MME: variants seen among roughly 807,000 people sequenced by gnomAD.
The protein encoded by MME is neprilysin.
In MME, 98 loss-of-function variants were observed where a neutral mutation model predicts 113.2. The ratio of observed to expected loss-of-function variants is 0.87; its 90% confidence interval spans 0.74 to 1.02. MME has a LOEUF of 1.02. MME is among the 50% of genes least tolerant of loss of function. MME has a pLI of 0.00. For synonymous variants in MME, 292 were observed against 300.6 expected (o/e 0.97, Z 0.30); for missense variants, 836 against 896.0 (o/e 0.93, Z 0.86).
intron 1 of MME, among the ~76,000 whole-genome samples, chr3:155,072,184 A>G (rs1714592844): frequency 6.6e-6 from 1 of 151,118 alleles, no homozygotes; most frequent in Admixed American, 6.6e-5. Flanking sequence ...AAAAAAAAAA[A>G]AAAAAAAAGA....
chr3:155,065,956 C>G (rs1714369232), intron 1 of MME, among the ~76,000 whole-genome samples: 1 of 152,138 alleles, frequency 6.6e-6, no homozygotes, highest in Non-Finnish European at 1.5e-5. Flanking sequence ...CCATGAACTG[C>G]CTTTCAGGGT....
intron 1 of MME, among the ~76,000 whole-genome samples, chr3:155,067,153 A>C (rs910842466): frequency 2.0e-5 from 3 of 149,238 alleles, no homozygotes; most frequent in Non-Finnish European, 4.4e-5. Context: ...CAGAGACTTT[A>C]TTTGTAGTTA....
chr3:155,050,904 C>T (rs1206711348), intron 1 of MME, among the ~76,000 whole-genome samples: 1 of 152,050 alleles, frequency 6.6e-6, no homozygotes, highest in East Asian at 1.9e-4. Flanking sequence ...AAATTTTTGC[C>T]GGTTCCTATG....
intron 22 of MME, among the ~76,000 whole-genome samples, chr3:155,178,105 C>A (rs931039677): frequency 1.3e-5 from 2 of 152,100 alleles, no homozygotes; most frequent in African/African-American, 4.8e-5. Flanking sequence ...TGGAACCTAC[C>A]CCATTCTTGG....
At chr3:155,165,185 A>G (rs1008590219) in intron 17 of MME, among the ~76,000 whole-genome samples, 1 of 152,112 alleles carries the variant, frequency 6.6e-6, no homozygotes, top group Non-Finnish European at 1.5e-5. Flanking sequence ...AGTGGATGCT[A>G]GAGTTTTAAG....
intron 21 of MME, 131 bp downstream of exon 21, chr3:155,172,343 A>G (rs1712063146): frequency 1.2e-6 from 1 of 806,984 alleles, no homozygotes; most frequent in East Asian, 2.6e-5. Flanking sequence ...ATTGTTTATA[A>G]TAGACTGTTG....
At chr3:155,108,522 G>A (rs1386245285) in intron 3 of MME, among the ~76,000 whole-genome samples, 1 of 151,922 alleles carries the variant, frequency 6.6e-6, no homozygotes, top group Non-Finnish European at 1.5e-5. Context: ...CTTGAACCCG[G>A]GAGGCAGAGG....
intron 1 of MME, among the ~76,000 whole-genome samples, chr3:155,062,443 A>T (rs547166742): frequency 3.9e-5 from 6 of 152,302 alleles, no homozygotes; most frequent in African/African-American, 1.4e-4. Flanking sequence ...TAGTTCTATG[A>T]GTTCAAGATT....
Position 155,084,218 on chromosome 3 carries a change from G to T in MME, c.51G>T (p.Lys17Asn). Reference protein sequence around the residue: ...QMDITDINTPKPKKKQRWTPL... With the variant: ...QMDITDINTPNPKKKQRWTPL... Reference sequence around the variant, plus strand: ...ATATAACTGATATCAACACTCCAAAGCCAAAGAAGAAACAGCGATGGACTC... The same window carrying T: ...ATATAACTGATATCAACACTCCAAATCCAAAGAAGAAACAGCGATGGACTC... Residue 17 changes from lysine (K) to asparagine (N), a missense_variant, in exon 2 of 23, where the codon AAG becomes AAT. Coordinates refer to ENST00000360490, the MANE Select transcript of MME (RefSeq NM_007289.4). The T allele has an allele frequency of 2.5e-6, 4 of 1,614,132 alleles. No homozygotes were observed. Among genetic ancestry groups the T allele is most frequent in the Non-Finnish European group, 3.4e-6 (4 of 1,180,026 alleles).
chr3:155,138,635 C>T (rs2108304621), intron 9 of MME, among the ~76,000 whole-genome samples: 1 of 152,232 alleles, frequency 6.6e-6, no homozygotes, highest in South Asian at 2.1e-4. Flanking sequence ...CAGAGATTGT[C>T]TCTATTTCTT....
At chr3:155,172,037 G>A (rs41267909) in intron 20 of MME, 80 bp from the exon 21 acceptor site, 21,740 of 813,342 alleles carry the variant, frequency 0.027, 667 homozygotes, top group East Asian at 0.13. Context: ...TTAATTACTT[G>A]GTGGCATGAT....
At chr3:155,030,490 A>G (rs904299649) in intron 1 of MME, among the ~76,000 whole-genome samples, 1 of 152,112 alleles carries the variant, frequency 6.6e-6, no homozygotes, top group East Asian at 1.9e-4. Flanking sequence ...CATTTTCTGT[A>G]TCTGTACTCA....
chr3:155,118,629 C>A, intron 7 of MME, 117 bp from the exon 8 acceptor site: 1 of 714,678 alleles, frequency 1.4e-6, no homozygotes, highest in Non-Finnish European at 2.5e-6. Flanking sequence ...GTCTGATGGT[C>A]ACCCCATAAA....
intron 17 of MME, among the ~76,000 whole-genome samples, chr3:155,161,069 C>A (rs1282119028): frequency 6.6e-6 from 1 of 152,098 alleles, no homozygotes; most frequent in Non-Finnish European, 1.5e-5. Flanking sequence ...TATACATTAA[C>A]ACATGAATAA....
chr3:155,039,688 AAAAC>A (rs1334804012), intron 1 of MME, among the ~76,000 whole-genome samples: 1 of 152,176 alleles, frequency 6.6e-6, no homozygotes, highest in African/African-American at 2.4e-5. Flanking sequence ...TGGATTTTAG[AAAAC>A]AAACAATGAA....
intron 22 of MME, among the ~76,000 whole-genome samples, chr3:155,177,934 G>C (rs1007265495): frequency 1.3e-5 from 2 of 152,070 alleles, no homozygotes; most frequent in African/African-American, 4.8e-5. Flanking sequence ...GCTCCAGCTG[G>C]AGTCAGTGGT....
At chr3:155,110,975 T>A (rs932741664) in intron 3 of MME, among the ~76,000 whole-genome samples, 1 of 152,212 alleles carries the variant, frequency 6.6e-6, no homozygotes, top group Non-Finnish European at 1.5e-5. Flanking sequence ...GGTGAACAAT[T>A]TAGTCTGATT....
rs1553749782 is a variant in MME at position 155,042,918 on chromosome 3, A to ATATATATATATATACG, written c.-11+18608_-11+18609insCGTATATATATATATA. Among the ~76,000 whole-genome samples the ATATATATATATATACG allele has an allele frequency of 3.2e-4, 17 of 53,596 alleles. No individual in the cohort carries two copies. The East Asian group carries it at 8.6e-3, about 27-fold the overall frequency. The allele number at this position is 53,596 out of a possible 152,430, so 35.2% of individuals were successfully genotyped here. On this transcript the variant is annotated intron_variant, in intron 1 of 22. Coordinates refer to the MME transcript ENST00000492661. ...GTAGGTTTTATATATATATATATAT[A>ATATATATATATATACG]TATATATATATATATATATATGTAT...
At chr3:155,099,318 A>T (rs949148838) in intron 3 of MME, among the ~76,000 whole-genome samples, 1 of 152,130 alleles carries the variant, frequency 6.6e-6, no homozygotes, top group Non-Finnish European at 1.5e-5. Context: ...CTAGATAAAA[A>T]CTCAAAATGA....
Sources: allele counts gnomAD v4.1 joint callset (sites outside exome capture counted in the v4.1 genomes callset), GRCh38; gene constraint gnomAD v4.1.1; transcripts MANE v1.5; gene names NCBI Gene and HGNC (gene_info 2026-07-23, HGNC 2026-07-21).